Variants in UBE3D observed in about 807,000 individuals in gnomAD.
The protein encoded by UBE3D is E3 ubiquitin-protein ligase E3D.
UBE3D carries 48 observed loss-of-function variants against 49.6 expected under a neutral mutation model. The ratio of observed to expected loss-of-function variants is 0.97; its 90% confidence interval spans 0.77 to 1.23. The LOEUF (loss-of-function observed/expected upper bound fraction) is 1.23. UBE3D is among the 50% of genes most tolerant of loss of function. UBE3D has a pLI of 0.00. For synonymous variants in UBE3D, 189 were observed against 174.2 expected (o/e 1.08, Z -0.67); for missense variants, 452 against 468.4 (o/e 0.96, Z 0.32).
intron 8 of UBE3D, among the ~76,000 whole-genome samples, chr6:82,993,998 A>T (rs959915289): frequency 1.3e-5 from 2 of 152,224 alleles, no homozygotes; most frequent in African/African-American, 4.8e-5. Flanking sequence ...TTCACCAGTA[A>T]AGGTACTATT....
intron 9 of UBE3D, among the ~76,000 whole-genome samples, chr6:82,901,470 A>T (rs1288779529): frequency 1.3e-5 from 2 of 152,194 alleles, no homozygotes; most frequent in African/African-American, 4.8e-5. Context: ...AGACTTACTG[A>T]ATCTAGGGGT....
At chr6:83,027,992 CTA>C (rs377343492) in intron 5 of UBE3D, among the ~76,000 whole-genome samples, 271 of 152,258 alleles carry the variant, frequency 1.8e-3, no homozygotes, top group African/African-American at 5.7e-3. Context: ...TTCTTGTCAT[CTA>C]TCTTTTGCTC....
At chr6:82,952,776 T>C (rs1306662678) in intron 9 of UBE3D, among the ~76,000 whole-genome samples, 1 of 152,100 alleles carries the variant, frequency 6.6e-6, no homozygotes, top group Non-Finnish European at 1.5e-5. Context: ...GTCAACATAG[T>C]CTCTGTAGCA....
At chr6:83,027,460 A>AAAAAAAAAAAAAAAAAAAAAAC (rs1472360166) in intron 5 of UBE3D, among the ~76,000 whole-genome samples, 1 of 148,548 alleles carries the variant, frequency 6.7e-6, no homozygotes, top group Non-Finnish European at 1.5e-5. Flanking sequence ...AAAAAAAAAA[A>AAAAAAAAAAAAAAAAAAAAAAC]AGAAACCACT....
At chr6:82,912,408 ATCT>A (rs1772595232) in intron 9 of UBE3D, among the ~76,000 whole-genome samples, 1 of 151,972 alleles carries the variant, frequency 6.6e-6, no homozygotes, top group Non-Finnish European at 1.5e-5. Context: ...CCTAGAGACA[ATCT>A]TCTTTCTTTG....
intron 8 of UBE3D, among the ~76,000 whole-genome samples, chr6:82,999,682 G>A (rs1779487268): frequency 6.6e-6 from 1 of 152,092 alleles, no homozygotes; most frequent in Non-Finnish European, 1.5e-5. Flanking sequence ...ACTGCACCCA[G>A]CCCCCTGTTG....
intron 5 of UBE3D, among the ~76,000 whole-genome samples, chr6:83,030,721 T>C (rs537914593): frequency 6.6e-6 from 1 of 152,178 alleles, no homozygotes; most frequent in Admixed American, 6.5e-5. Context: ...GTGGGAAAGT[T>C]TGAAACTTCC....
At chr6:82,946,026 G>A (rs1445830468) in intron 9 of UBE3D, among the ~76,000 whole-genome samples, 1 of 152,066 alleles carries the variant, frequency 6.6e-6, no homozygotes, top group East Asian at 1.9e-4. Context: ...TAGCCTTCAA[G>A]GGGCAAATTT....
intron 3 of UBE3D, among the ~76,000 whole-genome samples, chr6:83,052,842 T>C (rs139295656): frequency 1.3e-3 from 195 of 152,314 alleles, no homozygotes; most frequent in African/African-American, 3.6e-3. Context: ...TGTGCTAAAA[T>C]AGATCAGATG....
Position 83,022,514 on chromosome 6 carries a change from G to A in UBE3D, c.785C>T (p.Ser262Phe). The A allele has an allele frequency of 6.2e-7, 1 of 1,606,496 alleles. No homozygotes were observed. Among genetic ancestry groups the A allele is most frequent in the African/African-American group, 1.3e-5 (1 of 74,412 alleles). The stretch of plus-strand genomic sequence containing the variant: ...GAATCTAAAAGTGCTTCTAGCAGAG[G>A]AGAGCTGCACCAGACACTGGGCGAT... ...SVIAQCLVQL[S>F]SARSTFRFTI... Residue 262 changes from serine to phenylalanine, a missense_variant, in exon 7 of 10, where the codon TCC becomes TTC. Coordinates refer to ENST00000369747, the MANE Select transcript of UBE3D (RefSeq NM_198920.3).
At chr6:82,959,711 G>A (rs184945874) in intron 8 of UBE3D, among the ~76,000 whole-genome samples, 1 of 98,238 alleles carries the variant, frequency 1.0e-5, no homozygotes, top group Non-Finnish European at 1.8e-5. Context: ...ATCTCAGTGA[G>A]ACCTCCAAAA....
chr6:83,045,348 T>A (rs1309492887), intron 3 of UBE3D, among the ~76,000 whole-genome samples: 2 of 152,190 alleles, frequency 1.3e-5, no homozygotes, highest in Admixed American at 1.3e-4. Context: ...GTAAAAGTAT[T>A]TTCAATGCTG....
chr6:82,949,607 C>G (rs1488160943), intron 9 of UBE3D, among the ~76,000 whole-genome samples: 1 of 152,056 alleles, frequency 6.6e-6, no homozygotes, highest in East Asian at 1.9e-4. Flanking sequence ...TACCTCACTT[C>G]AAATTATACT....
intron 8 of UBE3D, among the ~76,000 whole-genome samples, chr6:82,989,027 C>T (rs1438178801): frequency 6.6e-6 from 1 of 152,050 alleles, no homozygotes; most frequent in Non-Finnish European, 1.5e-5. Flanking sequence ...GAATCCAGCC[C>T]TCAAGTATCT....
At chr6:83,020,402 T>C (rs1283483070) in intron 7 of UBE3D, among the ~76,000 whole-genome samples, 1 of 151,616 alleles carries the variant, frequency 6.6e-6, no homozygotes, top group Non-Finnish European at 1.5e-5. Context: ...TATAGTTGTA[T>C]ATGGAAAGAA....
chr6:82,886,493 T>C, the UBE3D span, among the ~76,000 whole-genome samples: 74,334 of 152,052 alleles, frequency 0.49, 20,621 homozygotes, highest in African/African-American at 0.75. Context: ...AGGCTGGTAC[T>C]GGTCCATAGC....
chr6:83,041,923 T>C (rs1019694163), intron 4 of UBE3D, among the ~76,000 whole-genome samples: 11 of 152,154 alleles, frequency 7.2e-5, no homozygotes, highest in African/African-American at 2.4e-4. Context: ...ATATAATTTT[T>C]TTTTTTAGAC....
intron 9 of UBE3D, among the ~76,000 whole-genome samples, chr6:82,914,869 A>C (rs1401559258): frequency 6.6e-6 from 1 of 152,182 alleles, no homozygotes; most frequent in African/African-American, 2.4e-5. Context: ...CTTATGAAAA[A>C]GAACCTATGT....
At chr6:82,993,110 G>A (rs554030341) in intron 8 of UBE3D, among the ~76,000 whole-genome samples, 7 of 152,016 alleles carry the variant, frequency 4.6e-5, no homozygotes, top group African/African-American at 9.6e-5. Flanking sequence ...AGAAAGAAAC[G>A]GGGTCGGGGG....
Sources: allele counts gnomAD v4.1 joint callset (sites outside exome capture counted in the v4.1 genomes callset), GRCh38; gene constraint gnomAD v4.1.1; transcripts MANE v1.5; gene names NCBI Gene and HGNC (gene_info 2026-07-23, HGNC 2026-07-21).